Variants in PDK1 observed in about 807,000 individuals in gnomAD.
PDK1 encodes pyruvate dehydrogenase kinase 1.
In PDK1, 39 loss-of-function variants were observed where a neutral mutation model predicts 54.2. That is an observed-to-expected ratio of 0.72 (90% CI 0.56 to 0.94). The LOEUF (loss-of-function observed/expected upper bound fraction) is 0.94. Among genes scored for constraint, PDK1 ranks in the 40% least tolerant of loss-of-function variants. The probability of loss-of-function intolerance (pLI) is 0.00; values close to 1 mark genes in which losing one functional copy is unlikely to be tolerated. For synonymous variants in PDK1, 221 were observed against 207.1 expected (o/e 1.07, Z -0.58); for missense variants, 552 against 566.0 (o/e 0.98, Z 0.25).
chr2:172,700,872 G>A, the PDK1 span, among the ~76,000 whole-genome samples: 7 of 152,152 alleles, frequency 4.6e-5, no homozygotes, highest in Admixed American at 2.6e-4. Context: ...GCATGGCGGC[G>A]CACGCCTGCA....
chr2:172,616,673 A>G, the PDK1 span, among the ~76,000 whole-genome samples: 1 of 152,196 alleles, frequency 6.6e-6, no homozygotes, highest in Non-Finnish European at 1.5e-5. Flanking sequence ...TATGCTACAT[A>G]ATTTACTTAT....
intron 1 of PDK1, 149 bp from the exon 2 acceptor site, chr2:172,558,559 T>G (rs1574458099): frequency 8.8e-5 from 56 of 635,610 alleles, no homozygotes; most frequent in East Asian, 5.7e-5. Context: ...CACAGGCAGG[T>G]GTATCTTTGC....
At chr2:172,622,782 C>T in the PDK1 span, among the ~76,000 whole-genome samples, 3 of 144,592 alleles carry the variant, frequency 2.1e-5, no homozygotes, top group Non-Finnish European at 3.0e-5. Context: ...GTTTATATCT[C>T]ATATGTGAGA....
At chr2:172,555,835 C>G (rs921515267), upstream of PDK1, 3 of 257,002 alleles carry the variant, frequency 1.2e-5, no homozygotes, top group African/African-American at 6.7e-5. Context: ...TCACCCCACA[C>G]CTCGCCGGCT....
chr2:172,567,092 T>G lies in PDK1; in HGVS notation c.769+159T>G, dbSNP rs1196718999. On this transcript the variant is annotated intron_variant, in intron 6 of 10. Transcript: ENST00000282077. ...TGTAAAAAATATATCTATAAACATA[T>G]GTAATTTAGTCAGATTCTTTATGAA... is the stretch of plus-strand genomic sequence containing the variant. Among the ~76,000 whole-genome samples, 3 of 152,370 alleles carry G rather than the reference T, an allele frequency of 2.0e-5. No homozygotes were observed. In the East Asian group the frequency reaches 5.8e-4, roughly 29 times the overall value.
the PDK1 span, among the ~76,000 whole-genome samples, chr2:172,645,649 T>C: frequency 6.6e-6 from 1 of 152,174 alleles, no homozygotes; most frequent in East Asian, 1.9e-4. Context: ...TGGTTGTGCC[T>C]ATGGTGCTCC....
At chr2:172,616,330 ATAAG>A in the PDK1 span, among the ~76,000 whole-genome samples, 2 of 152,236 alleles carry the variant, frequency 1.3e-5, no homozygotes, top group Admixed American at 6.5e-5. Context: ...ATGATGTGAA[ATAAG>A]TAAGTTTTGA....
At chr2:172,623,011 G>A in the PDK1 span, among the ~76,000 whole-genome samples, 5 of 151,548 alleles carry the variant, frequency 3.3e-5, no homozygotes, top group East Asian at 1.9e-4. Flanking sequence ...CTAGTACAGC[G>A]TGATGGTGCA....
the PDK1 span, among the ~76,000 whole-genome samples, chr2:172,701,180 C>T: frequency 6.6e-6 from 1 of 152,232 alleles, no homozygotes; most frequent in African/African-American, 2.4e-5. Context: ...CCATCTTCCT[C>T]ACCCACCAAA....
the PDK1 span, among the ~76,000 whole-genome samples, chr2:172,673,171 C>T: frequency 3.3e-3 from 500 of 152,320 alleles, 4 homozygotes; most frequent in African/African-American, 0.011. Context: ...TGTTGGCATA[C>T]TTCCCGGGTC....
rs1688299192 is a variant in PDK1, at chr2:172,556,090, A to C, written c.-61A>C. On this transcript the variant is annotated 5_prime_UTR_variant, in exon 1 of 11. Coordinates refer to ENST00000282077, the MANE Select transcript of PDK1 (RefSeq NM_002610.5). ...CTGCCCGCCACGTCCCTCACGTACC[A>C]CTCGGCAGAGGCGCGGGGAAACCTG... The C allele has an allele frequency of 8.0e-7, 1 of 1,249,340 alleles. No homozygotes were observed. The allele number at this position is 1,249,340 out of a possible 1,614,324, so 77.4% of individuals were successfully genotyped here. A position where few individuals can be genotyped will look rare whatever the true frequency, so the allele number is the denominator to read the frequency against.
chr2:172,592,835 G>A, intron 9 of PDK1, 100 bp from the exon 10 acceptor site: 1 of 605,926 alleles, frequency 1.7e-6, no homozygotes, highest in Admixed American at 2.6e-5. Flanking sequence ...TCAGATGCGG[G>A]CTCTGATAGC....
the PDK1 span, among the ~76,000 whole-genome samples, chr2:172,717,309 A>G: frequency 2.0e-5 from 3 of 152,204 alleles, no homozygotes; most frequent in Non-Finnish European, 4.4e-5. Flanking sequence ...GCCTGGCTTG[A>G]CTGAAACCTC....
chr2:172,570,900 G>T, intron 8 of PDK1, 76 bp downstream of exon 8: 2 of 792,946 alleles, frequency 2.5e-6, no homozygotes. Flanking sequence ...GTAACCATAC[G>T]CATAATTTCT....
chr2:172,705,422 C>G, the PDK1 span, among the ~76,000 whole-genome samples: 9 of 152,168 alleles, frequency 5.9e-5, no homozygotes, highest in Non-Finnish European at 1.0e-4. Flanking sequence ...GGTGTTTGCC[C>G]AACCCTGGGA....
chr2:172,557,927 A>G (rs933568797), intron 1 of PDK1, among the ~76,000 whole-genome samples: 1 of 152,008 alleles, frequency 6.6e-6, no homozygotes, highest in Non-Finnish European at 1.5e-5. Flanking sequence ...ATCATAGCTC[A>G]CTGTAACCTC....
At chr2:172,685,333 A>G in the PDK1 span, among the ~76,000 whole-genome samples, 1 of 152,166 alleles carries the variant, frequency 6.6e-6, no homozygotes, top group African/African-American at 2.4e-5. Flanking sequence ...TAAAATAGAA[A>G]TCTTATCATC....
chr2:172,679,440 C>T, the PDK1 span, among the ~76,000 whole-genome samples: 1 of 152,110 alleles, frequency 6.6e-6, no homozygotes, highest in Non-Finnish European at 1.5e-5. Context: ...GGGCAAGACT[C>T]TGTCTCTTAA....
At chr2:172,558,592 G>T in intron 1 of PDK1, 116 bp from the exon 2 acceptor site, 1 of 857,344 alleles carries the variant, frequency 1.2e-6, no homozygotes. Flanking sequence ...GCCCCATCGT[G>T]GTGATTCTAT....
Sources: gnomAD v4.1 joint callset for allele counts (sites outside exome capture counted in the v4.1 genomes callset) on GRCh38, gnomAD v4.1.1 for gene constraint, MANE v1.5 for transcripts, NCBI Gene and HGNC (gene_info 2026-07-23, HGNC 2026-07-21) for gene names.